Variants in MIR2052HG observed in about 807,000 individuals in gnomAD.
The protein encoded by MIR2052HG is MIR2052 host gene.
At chr8:74,604,302 G>T (rs1023441212) in intron 1 of MIR2052HG, 5 of 710,532 alleles carry the variant, frequency 7.0e-6, no homozygotes, top group African/African-American at 5.3e-5. Flanking sequence ...GTCACTGATG[G>T]GGGGTGAAAG....
intron 2 of MIR2052HG, among the ~76,000 whole-genome samples, chr8:74,668,678 T>C (rs1205469700): frequency 6.6e-6 from 1 of 152,216 alleles, no homozygotes; most frequent in African/African-American, 2.4e-5. Flanking sequence ...ATCATGTCCA[T>C]GGCTGGCAGA....
intron 1 of MIR2052HG, among the ~76,000 whole-genome samples, chr8:74,603,022 A>G (rs1032298893): frequency 4.0e-5 from 5 of 123,572 alleles, no homozygotes; most frequent in African/African-American, 9.9e-5. Flanking sequence ...AAAACAAAAC[A>G]AAACAAAACA....
At chr8:74,682,564 A>T (rs972501575) in intron 2 of MIR2052HG, among the ~76,000 whole-genome samples, 1 of 152,170 alleles carries the variant, frequency 6.6e-6, no homozygotes, top group Admixed American at 6.6e-5. Context: ...AAGATGCTGG[A>T]TCTTATTATA....
chr8:74,602,817 G>GTTTC (rs58455200), intron 1 of MIR2052HG, among the ~76,000 whole-genome samples: 5,329 of 73,784 alleles, frequency 0.072, 507 homozygotes, highest in East Asian at 0.14. Flanking sequence ...GCCCGGCCGT[G>GTTTC]TTTCTTTCTT....
chr8:74,756,680 G>C (rs1001905912), intron 5 of MIR2052HG: 7 of 152,146 alleles, frequency 4.6e-5, no homozygotes, highest in Non-Finnish European at 1.0e-4. Flanking sequence ...TGCTTTTCCA[G>C]ATACCTTAAA....
In MIR2052HG at chr8:74,602,865, C is replaced by CTTTCTTTCTTTCTTTCTT. The variant is rs879678607; in HGVS notation, n.128+2968_128+2969insCTTTCTTTTTCTTTCTTT. 7.0e-4 allele frequency among the ~76,000 whole-genome samples: 100 copies of CTTTCTTTCTTTCTTTCTT among 142,760 alleles called. 2 individuals are homozygous for CTTTCTTTCTTTCTTTCTT. The highest frequency in any genetic ancestry group is 1.1e-3 in the Non-Finnish European group (69 of 65,408). 93.7% of individuals were successfully genotyped at this position (142,760 alleles called of 152,430 possible). A position where few individuals can be genotyped will look rare whatever the true frequency, so the allele number is the denominator to read the frequency against. On this transcript the variant is annotated intron_variant and non_coding_transcript_variant, in intron 1 of 6. Transcript: ENST00000523442. Reference sequence around the variant, plus strand: ...TCTTTCTTTCTTTCTTTCTTTCTTTCTTTCTTTCTTTTTTCTATTCACAAA... The same window carrying CTTTCTTTCTTTCTTTCTT: ...TCTTTCTTTCTTTCTTTCTTTCTTTCTTTCTTTCTTTCTTTCTTTTTCTTTCTTTTTTCTATTCACAAA...
chr8:74,693,137 CTA>C (rs1343282608), intron 2 of MIR2052HG, among the ~76,000 whole-genome samples: 2 of 152,126 alleles, frequency 1.3e-5, no homozygotes, highest in African/African-American at 2.4e-5. Flanking sequence ...CTCAATGTTT[CTA>C]TGTTTTATTC....
intron 2 of MIR2052HG, among the ~76,000 whole-genome samples, chr8:74,673,624 C>A (rs776705624): frequency 7.9e-5 from 12 of 151,800 alleles, no homozygotes; most frequent in Non-Finnish European, 1.3e-4. Context: ...GTGGCCAGGA[C>A]CACGTCCATC....
intron 2 of MIR2052HG, among the ~76,000 whole-genome samples, chr8:74,619,359 T>G (rs184152125): frequency 7.6e-4 from 115 of 152,294 alleles, no homozygotes; most frequent in Non-Finnish European, 4.3e-4. Context: ...CACTGTCAGA[T>G]TTTAAAATTT....
intron 4 of MIR2052HG, among the ~76,000 whole-genome samples, chr8:74,720,058 G>T (rs1398806786): frequency 6.6e-6 from 1 of 151,906 alleles, no homozygotes; most frequent in Non-Finnish European, 1.5e-5. Flanking sequence ...CACCATGTTG[G>T]CCAGGAAGGT....
intron 2 of MIR2052HG, among the ~76,000 whole-genome samples, chr8:74,636,738 C>T (rs879540358): frequency 2.6e-5 from 4 of 152,086 alleles, no homozygotes; most frequent in Non-Finnish European, 4.4e-5. Context: ...ACATTAAATG[C>T]CTCTCCCTGA....
chr8:74,719,413 C>T (rs931109265), intron 4 of MIR2052HG, among the ~76,000 whole-genome samples: 2 of 152,158 alleles, frequency 1.3e-5, no homozygotes, highest in Non-Finnish European at 2.9e-5. Context: ...AGACTTCCTG[C>T]CCTAGCTGTG....
At chr8:74,736,197 G>T (rs1056980366) in intron 4 of MIR2052HG, among the ~76,000 whole-genome samples, 1 of 151,856 alleles carries the variant, frequency 6.6e-6, no homozygotes, top group African/African-American at 2.4e-5. Context: ...ATACTCCTTT[G>T]GTCTCTTTCT....
At chr8:74,734,822 G>C (rs970317367) in intron 4 of MIR2052HG, among the ~76,000 whole-genome samples, 1 of 152,152 alleles carries the variant, frequency 6.6e-6, no homozygotes, top group East Asian at 1.9e-4. Context: ...TTTCAGAGGG[G>C]ATCCAACAGA....
intron 1 of MIR2052HG, among the ~76,000 whole-genome samples, chr8:74,601,355 A>G (rs1807997937): frequency 6.6e-6 from 1 of 152,152 alleles, no homozygotes; most frequent in South Asian, 2.1e-4. Context: ...TATTCTGTAT[A>G]AGAGAGTGTG....
chr8:74,656,541 A>G (rs1808809057), intron 2 of MIR2052HG, among the ~76,000 whole-genome samples: 1 of 152,168 alleles, frequency 6.6e-6, no homozygotes, highest in Non-Finnish European at 1.5e-5. Flanking sequence ...GCCATGTAAG[A>G]AGTACCTTTC....
At chr8:74,682,589 A>T (rs1809137665) in intron 2 of MIR2052HG, among the ~76,000 whole-genome samples, 1 of 152,148 alleles carries the variant, frequency 6.6e-6, no homozygotes, top group South Asian at 2.1e-4. Flanking sequence ...AGGAAAATGC[A>T]AATAAAAGCT....
At chr8:74,739,496 G>A (rs1809804414) in intron 4 of MIR2052HG, among the ~76,000 whole-genome samples, 1 of 152,002 alleles carries the variant, frequency 6.6e-6, no homozygotes, top group South Asian at 2.1e-4. Flanking sequence ...CATTTGCTTT[G>A]GAACAAATAC....
chr8:74,710,616 T>G (rs1809457794), intron 4 of MIR2052HG, among the ~76,000 whole-genome samples: 1 of 152,152 alleles, frequency 6.6e-6, no homozygotes, highest in Non-Finnish European at 1.5e-5. Context: ...GTCCCTGAAC[T>G]ATATAAGTAT....
Sources: allele counts gnomAD v4.1 joint callset (sites outside exome capture counted in the v4.1 genomes callset), GRCh38; gene constraint gnomAD v4.1.1; transcripts MANE v1.5; gene names NCBI Gene and HGNC (gene_info 2026-07-23, HGNC 2026-07-21).